The following GPR35 variants were observed in gnomAD, a reference collection of about 807,000 sequenced individuals.
GPR35 encodes the protein G protein-coupled receptor 35.
For synonymous variants in GPR35, 207 were observed against 198.4 expected (o/e 1.04, Z -0.36); for missense variants, 372 against 422.5 (o/e 0.88, Z 1.05).
Position 240,630,987 on chromosome 2 carries a change from ACTCACTGTGTATT to A in GPR35, c.*109_*121del. ...GCAAGGAGCCCGAGATCAGCCCTGA[ACTCACTGTGTATT>A]CTCTTGGAGCCTTGGGTGGGCAGGG... is the stretch of plus-strand genomic sequence containing the variant. On this transcript the variant is annotated 3_prime_UTR_variant, in exon 2 of 2. Coordinates refer to ENST00000407714, the MANE Select transcript of GPR35 (RefSeq NM_005301.5). 1 of 918,464 alleles carries A rather than the reference ACTCACTGTGTATT, an allele frequency of 1.1e-6. No individual in the cohort carries two copies. The highest frequency in any genetic ancestry group is 1.6e-5 in the South Asian group (1 of 63,166). The allele number at this position is 918,464 out of a possible 1,614,324, so 56.9% of individuals were successfully genotyped here.
intron 1 of GPR35, 75 bp downstream of exon 1, chr2:240,625,643 CTG>C: frequency 1.7e-6 from 1 of 592,084 alleles, no homozygotes; most frequent in Non-Finnish European, 2.1e-6. Flanking sequence ...TGGGGTGAGG[CTG>C]TGATGGGGTC....
At chr2:240,626,356 C>T (rs1458539099) in intron 1 of GPR35, among the ~76,000 whole-genome samples, 102 of 46,876 alleles carry the variant, frequency 2.2e-3, no homozygotes, top group African/African-American at 6.7e-3. Flanking sequence ...GAGGCTGTGA[C>T]GGGGTCTCAG....
chr2:240,613,627 T>C (rs145536614), intron 2 of GPR35, among the ~76,000 whole-genome samples: 1 of 152,142 alleles, frequency 6.6e-6, no homozygotes, highest in East Asian at 1.9e-4. Flanking sequence ...ACCCAAACCC[T>C]AACGAAAACT....
At chr2:240,612,454 A>G (rs2043192304) in intron 2 of GPR35, among the ~76,000 whole-genome samples, 1 of 138,994 alleles carries the variant, frequency 7.2e-6, no homozygotes, top group South Asian at 2.3e-4. Flanking sequence ...AAAAAGGACT[A>G]GGGACTTACT....
chr2:240,618,972 T>A (rs764446280), exon 5 of GPR35: 1 of 702,744 alleles, frequency 1.4e-6, no homozygotes, highest in African/African-American at 1.7e-5. Flanking sequence ...CTGTCCCCAC[T>A]CCACACCGTG....
chr2:240,622,753 C>T (rs148216333), upstream of GPR35, among the ~76,000 whole-genome samples: 118 of 152,032 alleles, frequency 7.8e-4, 1 homozygote, highest in East Asian at 0.019. Flanking sequence ...TACAGCCCAG[C>T]GGGGTGAAGT....
At chr2:240,623,406 G>A (rs1321009764), upstream of GPR35, among the ~76,000 whole-genome samples, 45 of 76,452 alleles carry the variant, frequency 5.9e-4, 1 homozygote, top group Admixed American at 1.7e-3. Context: ...TCGTGAGGGC[G>A]CAAACAGATC....
At chr2:240,609,339 A>G (rs989923522) in intron 2 of GPR35, among the ~76,000 whole-genome samples, 2 of 152,132 alleles carry the variant, frequency 1.3e-5, no homozygotes, top group Non-Finnish European at 2.9e-5. Context: ...CCTAACATGA[A>G]CACTGAGAGC....
chr2:240,632,904 T>G lies in GPR35; in HGVS notation c.*2022T>G, dbSNP rs1300466391. Among the ~76,000 whole-genome samples, 1 of 152,226 alleles carries G rather than the reference T, an allele frequency of 6.6e-6. No individual in the cohort carries two copies. Among genetic ancestry groups the G allele is most frequent in the African/African-American group, 2.4e-5 (1 of 41,462 alleles). On this transcript the variant is annotated 3_prime_UTR_variant, in exon 2 of 2. Coordinates refer to ENST00000407714, the MANE Select transcript of GPR35 (RefSeq NM_005301.5). ...ATCCCTATAATAACCATAGTCCCCA[T>G]GTGTCAAGGGAGAGACCAGGTGGAG...
chr2:240,609,145 AT>A (rs896820962), intron 2 of GPR35, among the ~76,000 whole-genome samples: 11 of 150,100 alleles, frequency 7.3e-5, no homozygotes, highest in African/African-American at 2.0e-4. Context: ...AGCTTTCTCA[AT>A]TTTTTTTTCT....
chr2:240,632,598 G>C lies in GPR35; in HGVS notation c.*1716G>C, dbSNP rs568892990. On this transcript the variant is annotated 3_prime_UTR_variant, in exon 2 of 2. Coordinates refer to ENST00000407714, the MANE Select transcript of GPR35 (RefSeq NM_005301.5). Reference sequence around the variant, plus strand: ...TGTCCAGAAAGGTCCATGCCTAGGAGGGCCCATACACAACAGAGCCCTGTG... The same window carrying C: ...TGTCCAGAAAGGTCCATGCCTAGGACGGCCCATACACAACAGAGCCCTGTG... 3.2e-4 allele frequency among the ~76,000 whole-genome samples: 49 copies of C among 151,304 alleles called. No homozygotes were observed. The highest frequency in any genetic ancestry group is 1.1e-3 in the African/African-American group (47 of 41,118).
At position 240,633,127 on chromosome 2, in the gene GPR35, G is replaced by A. The variant is rs2043467886; in HGVS notation, c.*2245G>A. 6.6e-6 allele frequency among the ~76,000 whole-genome samples: 1 copy of A among 152,226 alleles called. No individual in the cohort carries two copies. Among genetic ancestry groups the A allele is most frequent in the Non-Finnish European group, 1.5e-5 (1 of 68,044 alleles). On this transcript the variant is annotated 3_prime_UTR_variant, in exon 2 of 2. Coordinates refer to ENST00000407714, the MANE Select transcript of GPR35 (RefSeq NM_005301.5). ...GAGGCCTCCCTAGCCATGCTGAAGTGTGAGTCAATTAAACCTCTTTCCTTT... is the reference window on the plus strand; with the variant it reads ...GAGGCCTCCCTAGCCATGCTGAAGTATGAGTCAATTAAACCTCTTTCCTTT...
At position 240,626,682 on chromosome 2, in the gene GPR35, T is replaced by G. The variant is rs558236510; in HGVS notation, c.-5+1114T>G. 2.5e-4 allele frequency among the ~76,000 whole-genome samples: 38 copies of G among 152,182 alleles called. No individual in the cohort carries two copies. The East Asian group carries it at 6.2e-3, about 25-fold the overall frequency. On this transcript the variant is annotated intron_variant, in intron 1 of 1. Transcript: ENST00000407714. ...CAGCCCCATCCTGGGTCCTGGGGTGTGGTGTGCTGTGTGGGGCCCAGGCCC... is the reference window on the plus strand; with the variant it reads ...CAGCCCCATCCTGGGTCCTGGGGTGGGGTGTGCTGTGTGGGGCCCAGGCCC...
intron 1 of GPR35, among the ~76,000 whole-genome samples, chr2:240,626,598 G>C (rs920901098): frequency 1.3e-5 from 2 of 152,222 alleles, no homozygotes; most frequent in East Asian, 3.9e-4. Flanking sequence ...CAAGAATGAA[G>C]AATACCCCGT....
chr2:240,606,953 A>C (rs2043140736), intron 2 of GPR35, among the ~76,000 whole-genome samples: 1 of 152,154 alleles, frequency 6.6e-6, no homozygotes, highest in South Asian at 2.1e-4. Flanking sequence ...TTGGAAGTAG[A>C]GGACCAACTA....
chr2:240,605,898 A>G (rs1006194142), intron 1 of GPR35, among the ~76,000 whole-genome samples: 1 of 152,190 alleles, frequency 6.6e-6, no homozygotes, highest in African/African-American at 2.4e-5. Flanking sequence ...AGCCCTGCAC[A>G]TGGCTGCTTC....
chr2:240,626,236 G>C (rs2043375500), intron 1 of GPR35, among the ~76,000 whole-genome samples: 1 of 124,508 alleles, frequency 8.0e-6, no homozygotes, highest in Non-Finnish European at 1.7e-5. Context: ...GTGAGGCTGT[G>C]ATGGGGGTCT....
exon 3 of GPR35, chr2:240,616,483 A>G: frequency 1.3e-6 from 1 of 780,716 alleles, no homozygotes; most frequent in Non-Finnish European, 2.4e-6. Context: ...GTCGACTGCG[A>G]GTCAGCTCCG....
At chr2:240,612,298 G>A (rs1446812090) in intron 2 of GPR35, among the ~76,000 whole-genome samples, 1 of 151,712 alleles carries the variant, frequency 6.6e-6, no homozygotes, top group East Asian at 1.9e-4. Context: ...GTGGTGGCGG[G>A]CGCCTGTAGT....
Sources: allele counts gnomAD v4.1 joint callset (sites outside exome capture counted in the v4.1 genomes callset), GRCh38; gene constraint gnomAD v4.1.1; transcripts MANE v1.5; gene names NCBI Gene and HGNC (gene_info 2026-07-23, HGNC 2026-07-21).